The following RASL12 variants were observed in gnomAD, a reference collection of about 807,000 sequenced individuals.
RASL12 encodes RAS like family 12.
Under a neutral mutation model 22.9 loss-of-function variants are expected in RASL12, and 16 were observed. The ratio of observed to expected loss-of-function variants is 0.70; its 90% CI spans 0.47 to 1.06. The LOEUF (loss-of-function observed/expected upper bound fraction) is 1.06, where lower values mean the gene tolerates loss of function less well. Ranked by LOEUF, RASL12 falls within the 50% of genes least tolerant of loss-of-function variation. The probability of loss-of-function intolerance (pLI) is 0.00; values close to 1 mark genes in which losing one functional copy is unlikely to be tolerated. For missense variants in RASL12, 306 were observed against 353.1 expected (o/e 0.87, Z 1.07); for synonymous variants, 159 against 152.2 (o/e 1.04, Z -0.33).
Position 65,054,014 on chromosome 15 carries a change from T to C in RASL12, c.*885A>G, listed in dbSNP as rs562537497. 2.0e-6 allele frequency: 2 copies of C among 985,920 alleles called. No homozygotes were observed. Among genetic ancestry groups the C allele is most frequent in the South Asian group, 9.4e-5 (2 of 21,288 alleles). 61.1% of individuals were successfully genotyped at this position (985,920 alleles called of 1,614,324 possible). ...CAAACCAGATGACAAACGGGTATAC[T>C]GTGTTTCTACCTGCAGGGGGGCAGG... On this transcript the variant is annotated 3_prime_UTR_variant, in exon 5 of 5. Coordinates refer to ENST00000220062, the MANE Select transcript of RASL12 (RefSeq NM_016563.4).
chr15:65,073,123 T>C (rs1472627695), intron 1 of RASL12, among the ~76,000 whole-genome samples: 2 of 152,042 alleles, frequency 1.3e-5, no homozygotes, highest in African/African-American at 4.8e-5. Flanking sequence ...AAAAACACAG[T>C]GGTATGGGCA....
At position 65,058,613 on chromosome 15, in the gene RASL12, G is replaced by C. The variant is rs769143677; in HGVS notation, c.239C>G (p.Thr80Ser). 5.2e-6 allele frequency: 8 copies of C among 1,536,734 alleles called. No individual in the cohort carries two copies. In the South Asian group the frequency reaches 9.8e-5, roughly 19 times the overall value. Residue 80 changes from threonine to serine, a missense_variant, in exon 4 of 5, where the codon ACC (threonine) becomes AGC (serine). Coordinates refer to ENST00000220062, the MANE Select transcript of RASL12 (RefSeq NM_016563.4). ...CAGGTAGCGCTCGCAGTTCCTGGGG[G>C]TGTCCTGGGGTGAAGGTGAGAAGCC... ...LRVMDTADLD[T>S]PRNCERYLNW... is the part of the protein sequence containing the mutation.
At chr15:65,058,717 G>C in intron 3 of RASL12, 100 bp from the exon 4 acceptor site, 2 of 887,748 alleles carry the variant, frequency 2.3e-6, no homozygotes, top group Non-Finnish European at 3.2e-6. Flanking sequence ...CCCGGTCTTT[G>C]TATATTGTTT....
At chr15:65,071,043 A>G (rs916134283), upstream of RASL12, among the ~76,000 whole-genome samples, 1 of 152,190 alleles carries the variant, frequency 6.6e-6, no homozygotes, top group Non-Finnish European at 1.5e-5. Context: ...ATCTATGTGC[A>G]TAAGTGGCAA....
Position 65,073,596 on chromosome 15 carries a change from G to A in RASL12, c.70+2933C>T, listed in dbSNP as rs952839134. 1.4e-4 allele frequency among the ~76,000 whole-genome samples: 21 copies of A among 152,316 alleles called. No homozygotes were observed. In the Middle Eastern group the frequency reaches 0.017, roughly 123 times the overall value. On this transcript the variant is annotated intron_variant, in intron 1 of 4. Coordinates refer to the RASL12 transcript ENST00000434605. ...GCTCACTGCTCACCTCTGGCTGCGC[G>A]GCCTGGTTCCTAAGGTCCATGGCCC... is the stretch of plus-strand genomic sequence containing the variant.
At chr15:65,048,940 G>A (rs1385270543), downstream of RASL12, among the ~76,000 whole-genome samples, 3 of 151,180 alleles carry the variant, frequency 2.0e-5, no homozygotes, top group Non-Finnish European at 2.9e-5. Flanking sequence ...AACCTGGGAG[G>A]CGGAGGTTGC....
At chr15:65,076,045 T>C (rs1255281929) in intron 1 of RASL12, among the ~76,000 whole-genome samples, 1 of 152,136 alleles carries the variant, frequency 6.6e-6, no homozygotes, top group Middle Eastern at 3.2e-3. Context: ...TGGAGAACTT[T>C]TGTATCTAGC....
In RASL12 at chr15:65,055,045, A is replaced by G. The variant is rs1387657925; in HGVS notation, c.655T>C (p.Cys219Arg). ...PLTARHGLAS[C>R]TFNTLSTINL... ...ATGGTGGAGAGCGTGTTGAAGGTGC[A>G]GCTGGCCAGCCCATGCCGCGCGGTG... The change falls in exon 5 of 5, where the codon TGC becomes CGC. Residue 219 changes from cysteine to arginine, a missense_variant. Coordinates refer to ENST00000220062, the MANE Select transcript of RASL12 (RefSeq NM_016563.4). 2.7e-5 allele frequency: 44 copies of G among 1,613,636 alleles called. No homozygotes were observed. Among genetic ancestry groups the G allele is most frequent in the Non-Finnish European group, 3.6e-5 (43 of 1,179,910 alleles).
At chr15:65,055,347 C>A in intron 4 of RASL12, 73 bp from the exon 5 acceptor site, 2 of 1,371,442 alleles carry the variant, frequency 1.5e-6, no homozygotes, top group Non-Finnish European at 1.9e-6. Context: ...GCTCCTACAC[C>A]CAGCGCCCCA....
chr15:65,047,275 G>T, the RASL12 span, among the ~76,000 whole-genome samples: 2 of 151,538 alleles, frequency 1.3e-5, no homozygotes, highest in Admixed American at 1.3e-4. Context: ...GGCGGTGGTT[G>T]CAGTGAGCCG....
downstream of RASL12, chr15:65,051,449 G>C: frequency 6.7e-7 from 1 of 1,489,534 alleles, no homozygotes; most frequent in Non-Finnish European, 9.4e-7. Flanking sequence ...CCAGGCCCCA[G>C]CTGTTAGCGG....
chr15:65,069,629 G>A (rs991751447), upstream of RASL12, among the ~76,000 whole-genome samples: 8 of 152,338 alleles, frequency 5.3e-5, no homozygotes, highest in Admixed American at 5.2e-4. Flanking sequence ...GATGGGAGCT[G>A]CAAGATTCTA....
Position 65,065,277 on chromosome 15 carries a change from C to T in RASL12, c.104-4G>A, listed in dbSNP as rs1432336762. ...GTCAGAAACTTCACGGTCAGGGCTG[C>T]AAGAAGCAGAAAGAGGTTGGCTCCA... On this transcript the variant is annotated splice_region_variant and splice_polypyrimidine_tract_variant and intron_variant, in intron 1 of 4. Coordinates refer to ENST00000220062, the MANE Select transcript of RASL12 (RefSeq NM_016563.4). 8 of 1,611,184 alleles carry T rather than the reference C, an allele frequency of 5.0e-6. No individual in the cohort carries two copies. The highest frequency in any genetic ancestry group is 1.3e-5 in the African/African-American group (1 of 75,020).
upstream of RASL12, among the ~76,000 whole-genome samples, chr15:65,069,680 A>C (rs563662869): frequency 6.6e-6 from 1 of 151,988 alleles, no homozygotes; most frequent in African/African-American, 2.4e-5. Context: ...CTGACTGTCC[A>C]TAGTTAGAAG....
At chr15:65,047,822 TAGATAGATA>T in the RASL12 span, among the ~76,000 whole-genome samples, 1 of 151,730 alleles carries the variant, frequency 6.6e-6, no homozygotes, top group Non-Finnish European at 1.5e-5. Context: ...GATAGATAGA[TAGATAGATA>T]GATAGAATCT....
At chr15:65,065,325 C>G in intron 1 of RASL12, 52 bp from the exon 2 acceptor site, 1 of 1,560,344 alleles carries the variant, frequency 6.4e-7, no homozygotes, top group Non-Finnish European at 8.7e-7. Context: ...TGTCTAGCTG[C>G]TGGCCCCTCG....
intron 4 of RASL12, among the ~76,000 whole-genome samples, chr15:65,058,049 T>C (rs2086754673): frequency 6.6e-6 from 1 of 152,106 alleles, no homozygotes; most frequent in Admixed American, 6.5e-5. Context: ...GGCAGGCGGA[T>C]CATGAGTTCA....
intron 1 of RASL12, among the ~76,000 whole-genome samples, chr15:65,066,966 C>T (rs1048340288): frequency 2.6e-5 from 4 of 152,220 alleles, no homozygotes; most frequent in Non-Finnish European, 5.9e-5. Flanking sequence ...CAAATTATCT[C>T]AATGGAAGCC....
Position 65,055,151 on chromosome 15 carries a change from T to G in RASL12, c.549A>C (p.Ala183=). 1 of 1,612,454 alleles carries G rather than the reference T, an allele frequency of 6.2e-7. No homozygotes were observed. Among genetic ancestry groups the G allele is most frequent in the Middle Eastern group, 1.7e-4 (1 of 6,060 alleles). Residue 183 remains alanine, a synonymous_variant, in exon 5 of 5, where the codon GCA becomes GCC. Transcript: ENST00000220062. Reference sequence around the variant, plus strand: ...GGGGGCTCTTCTCCAGCTCCCGCCGTGCCTCTCGCACTGCCTCGTGGAAGA... The same window carrying G: ...GGGGGCTCTTCTCCAGCTCCCGCCGGGCCTCTCGCACTGCCTCGTGGAAGA... ...QHVFHEAVRE[A]RRELEKSPLT...
Sources: gnomAD v4.1 joint callset for allele counts (sites outside exome capture counted in the v4.1 genomes callset) on GRCh38, gnomAD v4.1.1 for gene constraint, MANE v1.5 for transcripts, NCBI Gene and HGNC (gene_info 2026-07-23, HGNC 2026-07-21) for gene names.